The following LMLN variants were observed in gnomAD, a reference collection of about 807,000 sequenced individuals.
LMLN encodes the protein leishmanolysin-like peptidase.
Under a neutral mutation model 92.3 loss-of-function variants are expected in LMLN, and 70 were observed. The ratio of observed to expected loss-of-function variants is 0.76; its 90% confidence interval spans 0.63 to 0.92. The LOEUF (loss-of-function observed/expected upper bound fraction) is 0.92. Among genes scored for constraint, LMLN ranks in the 40% least tolerant of loss-of-function variants. The probability of loss-of-function intolerance (pLI) is 0.00; values close to 1 mark genes in which losing one functional copy is unlikely to be tolerated. For missense variants in LMLN, 691 were observed against 814.6 expected, an observed-to-expected ratio of 0.85 and a Z score of 1.85; for synonymous variants, 308 against 296.2, an observed-to-expected ratio of 1.04 and a Z score of -0.41.
chr3:197,979,560 G>A (rs1259656759), intron 5 of LMLN, among the ~76,000 whole-genome samples: 1 of 152,012 alleles, frequency 6.6e-6, no homozygotes, highest in Non-Finnish European at 1.5e-5. Context: ...GCTCATGCCT[G>A]TAATCCCAGC....
chr3:197,960,552 G>C, intron 1 of LMLN, 112 bp downstream of exon 1: 1 of 975,108 alleles, frequency 1.0e-6, no homozygotes. Context: ...GCGAAATTGG[G>C]GCAGAGCCTG....
intron 7 of LMLN, among the ~76,000 whole-genome samples, chr3:197,985,488 G>A (rs933100214): frequency 2.0e-5 from 3 of 151,606 alleles, no homozygotes; most frequent in African/African-American, 4.8e-5. Flanking sequence ...AATTCTAGTC[G>A]TGCTTGGAAA....
intron 14 of LMLN, among the ~76,000 whole-genome samples, chr3:198,033,903 C>T (rs1457323679): frequency 6.6e-6 from 1 of 152,210 alleles, no homozygotes; most frequent in Admixed American, 6.5e-5. Context: ...GAAGAGGTCA[C>T]ACTTCATTGT....
At chr3:198,015,445 T>C (rs567359774) in intron 11 of LMLN, among the ~76,000 whole-genome samples, 2 of 139,832 alleles carry the variant, frequency 1.4e-5, no homozygotes, top group South Asian at 2.4e-4. Flanking sequence ...GTCCCCTAAC[T>C]AGTCTGACTT....
intron 13 of LMLN, among the ~76,000 whole-genome samples, chr3:198,022,816 G>A (rs1722818145): frequency 1.3e-5 from 2 of 152,286 alleles, no homozygotes; most frequent in South Asian, 4.1e-4. Context: ...TCGAGATCAT[G>A]CCCCTGCACT....
At chr3:198,020,917 C>T (rs1433628811) in intron 12 of LMLN, among the ~76,000 whole-genome samples, 2 of 150,630 alleles carry the variant, frequency 1.3e-5, no homozygotes, top group East Asian at 1.9e-4. Flanking sequence ...TCCACCATGC[C>T]CGGCCATAAA....
intron 7 of LMLN, 125 bp downstream of exon 7, chr3:197,984,173 A>C: frequency 1.8e-6 from 1 of 558,748 alleles, no homozygotes; most frequent in Non-Finnish European, 3.2e-6. Context: ...GTGCACATGT[A>C]CCCTAAAACT....
At chr3:198,040,089 T>G (rs552302121) in exon 16 of LMLN, 1 of 152,258 alleles carries the variant, frequency 6.6e-6, no homozygotes, top group Non-Finnish European at 1.5e-5. Context: ...ATGCAGTTTT[T>G]TAAAATGGGT....
At chr3:198,007,860 C>T (rs149621311) in intron 11 of LMLN, among the ~76,000 whole-genome samples, 63 of 152,274 alleles carry the variant, frequency 4.1e-4, no homozygotes, top group African/African-American at 1.5e-3. Context: ...ATAATGTTAG[C>T]TGCAGATTTT....
chr3:198,034,609 T>TA, intron 14 of LMLN, among the ~76,000 whole-genome samples: 1 of 152,016 alleles, frequency 6.6e-6, no homozygotes, highest in South Asian at 2.1e-4. Flanking sequence ...AGACTTGGTC[T>TA]AAAAAAAATA....
intron 14 of LMLN, among the ~76,000 whole-genome samples, chr3:198,027,275 C>T (rs985100082): frequency 6.6e-6 from 1 of 151,984 alleles, no homozygotes; most frequent in South Asian, 2.1e-4. Flanking sequence ...AAACAGATCA[C>T]CTACCTTGCC....
intron 11 of LMLN, among the ~76,000 whole-genome samples, chr3:198,018,810 A>G (rs946546428): frequency 1.3e-5 from 2 of 152,222 alleles, no homozygotes; most frequent in Admixed American, 6.5e-5. Flanking sequence ...TTATATCGTC[A>G]ACTGTCAGTT....
intron 10 of LMLN, among the ~76,000 whole-genome samples, chr3:197,997,053 CTTCT>C (rs1339529663): frequency 8.1e-6 from 1 of 122,908 alleles, no homozygotes; most frequent in East Asian, 2.2e-4. Context: ...TCTTTCTTTC[CTTCT>C]TTCTTTCTCT....
intron 8 of LMLN, among the ~76,000 whole-genome samples, chr3:197,990,219 C>T (rs1232510304): frequency 3.9e-5 from 6 of 151,946 alleles, no homozygotes; most frequent in South Asian, 4.1e-4. Context: ...TGCACTACTG[C>T]GCCCAGCTAA....
intron 11 of LMLN, among the ~76,000 whole-genome samples, chr3:198,014,069 C>T (rs1448578035): frequency 2.7e-5 from 4 of 146,606 alleles, no homozygotes; most frequent in Non-Finnish European, 6.0e-5. Context: ...TTCAGAGCCT[C>T]CTAACTAGTC....
At chr3:197,968,851 G>T (rs1047624125) in intron 1 of LMLN, among the ~76,000 whole-genome samples, 3 of 152,132 alleles carry the variant, frequency 2.0e-5, no homozygotes, top group Admixed American at 1.3e-4. Context: ...TTTCTTTTTT[G>T]AAAGTCATAA....
chr3:198,020,480 G>A (rs1266709966), intron 12 of LMLN, among the ~76,000 whole-genome samples: 1 of 152,176 alleles, frequency 6.6e-6, no homozygotes, highest in African/African-American at 2.4e-5. Context: ...CCATAAAATA[G>A]TAACTATATT....
intron 9 of LMLN, among the ~76,000 whole-genome samples, chr3:197,991,830 A>G (rs553746446): frequency 4.7e-5 from 7 of 150,532 alleles, no homozygotes; most frequent in Non-Finnish European, 1.0e-4. Flanking sequence ...GACAGATAGA[A>G]CCCAATGAGC....
chr3:197,974,527 G>T, intron 2 of LMLN, 53 bp downstream of exon 2: 2 of 985,754 alleles, frequency 2.0e-6, no homozygotes, highest in Admixed American at 6.0e-5. Flanking sequence ...AAATGTTAAA[G>T]ATATTTTTGT....
Sources: gnomAD v4.1 joint callset for allele counts (sites outside exome capture counted in the v4.1 genomes callset) on GRCh38, gnomAD v4.1.1 for gene constraint, MANE v1.5 for transcripts, NCBI Gene and HGNC (gene_info 2026-07-23, HGNC 2026-07-21) for gene names.